Variants in MAGI2 observed in about 807,000 individuals in gnomAD.
The protein encoded by MAGI2 is membrane-associated guanylate kinase, WW and PDZ domain-containing protein 2.
In MAGI2, 35 loss-of-function variants were observed where a neutral mutation model predicts 133.3. That is an observed-to-expected ratio of 0.26 (90% CI 0.20 to 0.35). MAGI2 has a LOEUF of 0.35. Among genes scored for constraint, MAGI2 ranks in the 10% least tolerant of loss-of-function variants. MAGI2 has a pLI of 1.00. For synonymous variants in MAGI2, 729 were observed against 710.6 expected, an observed-to-expected ratio of 1.03 and a Z score of -0.41; for missense variants, 1,636 against 1,863.4, an observed-to-expected ratio of 0.88 and a Z score of 2.25.
At chr7:79,070,717 T>C (rs1022513360) in intron 1 of MAGI2, among the ~76,000 whole-genome samples, 5 of 151,926 alleles carry the variant, frequency 3.3e-5, no homozygotes, top group African/African-American at 9.7e-5. Context: ...GGTCTCGAGC[T>C]CCTGACCTTG....
At chr7:78,925,930 A>G (rs1462014062) in intron 2 of MAGI2, among the ~76,000 whole-genome samples, 1 of 152,008 alleles carries the variant, frequency 6.6e-6, no homozygotes, top group African/African-American at 2.4e-5. Flanking sequence ...AACATTTGAG[A>G]ATGATTGCTG....
At chr7:79,201,543 T>C (rs993792536) in intron 1 of MAGI2, among the ~76,000 whole-genome samples, 1 of 151,930 alleles carries the variant, frequency 6.6e-6, no homozygotes, top group Non-Finnish European at 1.5e-5. Context: ...GTTTTTTTAA[T>C]GGAAAAATCT....
intron 1 of MAGI2, among the ~76,000 whole-genome samples, chr7:79,368,843 G>A (rs1439443549): frequency 2.2e-5 from 2 of 91,188 alleles, no homozygotes; most frequent in African/African-American, 4.4e-5. Flanking sequence ...GCGAGACTCC[G>A]TCTCAAAAAA....
At chr7:79,329,427 T>C (rs933323080) in intron 1 of MAGI2, among the ~76,000 whole-genome samples, 7 of 152,234 alleles carry the variant, frequency 4.6e-5, no homozygotes, top group South Asian at 2.1e-4. Context: ...AATAGAGTTA[T>C]TAAATAAAAG....
At chr7:79,275,206 CAGTT>C (rs1201605964) in intron 1 of MAGI2, among the ~76,000 whole-genome samples, 2 of 152,134 alleles carry the variant, frequency 1.3e-5, no homozygotes, top group East Asian at 1.9e-4. Flanking sequence ...TTGTAGCAAA[CAGTT>C]AGCCAAATCA....
chr7:79,139,979 T>C (rs975139996), intron 1 of MAGI2: 1 of 152,226 alleles, frequency 6.6e-6, no homozygotes, highest in African/African-American at 2.4e-5. Flanking sequence ...CTTCCTTAAA[T>C]GCTGCTCTGA....
chr7:78,637,428 T>A (rs910816848), intron 2 of MAGI2, among the ~76,000 whole-genome samples: 1 of 134,146 alleles, frequency 7.5e-6, no homozygotes, highest in Non-Finnish European at 1.7e-5. Flanking sequence ...CATGATAATA[T>A]GTTAAAAAAA....
At chr7:79,066,648 A>G (rs1484894982) in intron 1 of MAGI2, among the ~76,000 whole-genome samples, 1 of 151,942 alleles carries the variant, frequency 6.6e-6, no homozygotes, top group Non-Finnish European at 1.5e-5. Flanking sequence ...TTTTGTTGCC[A>G]TTGCTTTTGG....
intron 1 of MAGI2, among the ~76,000 whole-genome samples, chr7:79,311,553 T>C (rs1286040898): frequency 1.3e-5 from 2 of 151,914 alleles, no homozygotes; most frequent in African/African-American, 4.8e-5. Flanking sequence ...CCCATCCCTT[T>C]CCTTCTCCTC....
chr7:78,472,870 G>A (rs1163429048), intron 6 of MAGI2, among the ~76,000 whole-genome samples: 2 of 152,040 alleles, frequency 1.3e-5, no homozygotes, highest in African/African-American at 2.4e-5. Flanking sequence ...ATAAATTCTA[G>A]GGACTCCTGA....
intron 1 of MAGI2, among the ~76,000 whole-genome samples, chr7:79,179,209 A>G (rs1159021118): frequency 1.3e-5 from 2 of 151,868 alleles, no homozygotes; most frequent in Admixed American, 1.3e-4. Context: ...GAAAACACCT[A>G]TTTTTTCCTT....
chr7:78,938,722 T>C (rs1800732329), intron 2 of MAGI2, among the ~76,000 whole-genome samples: 1 of 152,170 alleles, frequency 6.6e-6, no homozygotes, highest in Non-Finnish European at 1.5e-5. Flanking sequence ...ACAAGCTTTA[T>C]TAGCAATTAA....
At chr7:78,592,088 C>T (rs1464730504) in intron 3 of MAGI2, among the ~76,000 whole-genome samples, 7 of 152,128 alleles carry the variant, frequency 4.6e-5, no homozygotes, top group African/African-American at 1.7e-4. Context: ...AGAAAGATCA[C>T]ATCTCACTAA....
chr7:78,227,867 T>TGTGTGTGTGTGTGTGTGC (rs1186547353), intron 10 of MAGI2, among the ~76,000 whole-genome samples: 2 of 151,864 alleles, frequency 1.3e-5, no homozygotes, highest in Non-Finnish European at 2.9e-5. Context: ...TGTGTGTGTG[T>TGTGTGTGTGTGTGTGTGC]GTGTGTGTGT....
intron 2 of MAGI2, among the ~76,000 whole-genome samples, chr7:79,001,739 T>C (rs895767847): frequency 2.0e-4 from 31 of 152,186 alleles, no homozygotes; most frequent in South Asian, 1.0e-3. Flanking sequence ...TCCGTATTAA[T>C]TCTATTAATT....
intron 1 of MAGI2, among the ~76,000 whole-genome samples, chr7:79,056,849 C>T (rs190569789): frequency 6.6e-4 from 100 of 152,254 alleles, no homozygotes; most frequent in African/African-American, 2.3e-3. Flanking sequence ...TCCATGCTTC[C>T]CCTAGGACTA....
intron 1 of MAGI2, among the ~76,000 whole-genome samples, chr7:79,235,047 C>A (rs1196313116): frequency 6.6e-6 from 1 of 151,512 alleles, no homozygotes; most frequent in Non-Finnish European, 1.5e-5. Flanking sequence ...GTTGGAATAC[C>A]CTGCCGTGTG....
At chr7:79,092,303 G>A (rs1817130636) in intron 1 of MAGI2, among the ~76,000 whole-genome samples, 1 of 152,118 alleles carries the variant, frequency 6.6e-6, no homozygotes, top group Non-Finnish European at 1.5e-5. Flanking sequence ...GCCCTGTGAA[G>A]TTCCTAAAAC....
intron 2 of MAGI2, among the ~76,000 whole-genome samples, chr7:78,731,969 G>A (rs1353370695): frequency 6.6e-6 from 1 of 152,074 alleles, no homozygotes; most frequent in Admixed American, 6.6e-5. Context: ...CAGGCTTGAA[G>A]TGAAAAGGTG....
Sources: allele counts gnomAD v4.1 joint callset (sites outside exome capture counted in the v4.1 genomes callset), GRCh38; gene constraint gnomAD v4.1.1; transcripts MANE v1.5; gene names NCBI Gene and HGNC (gene_info 2026-07-23, HGNC 2026-07-21).